RHOQ: variants seen among roughly 807,000 people sequenced by gnomAD.
RHOQ encodes the protein rho-related GTP-binding protein RhoQ.
A neutral mutation model predicts 25.8 loss-of-function variants in RHOQ; 7 were observed. That is an observed-to-expected ratio of 0.27 (90% CI 0.15 to 0.51). The LOEUF (loss-of-function observed/expected upper bound fraction) is 0.51, where lower values mean the gene tolerates loss of function less well. Among genes scored for constraint, RHOQ ranks in the 20% least tolerant of loss-of-function variants. RHOQ has a pLI of 0.97. For synonymous variants in RHOQ, 97 were observed against 98.6 expected, an observed-to-expected ratio of 0.98 and a Z score of 0.10; for missense variants, 165 against 260.6, an observed-to-expected ratio of 0.63 and a Z score of 2.53.
chr2:46,547,271 T>C lies in RHOQ; in HGVS notation c.201+3459T>C, dbSNP rs546933117. 3.3e-5 allele frequency among the ~76,000 whole-genome samples: 5 copies of C among 152,326 alleles called. No homozygotes were observed. The South Asian group carries it at 1.0e-3, about 32-fold the overall frequency. ...CTCAGTTTGGAACCTCTAGTCCACT[T>C]GCTCACTCATGGTCCCTGCCTTAAC... On this transcript the variant is annotated intron_variant, in intron 2 of 4. Transcript: ENST00000238738.
In RHOQ at chr2:46,556,898, A is replaced by G. The variant is rs1029233233; in HGVS notation, c.201+13086A>G. ...GGGGCTTTCAAGGACCATCAGGTAC[A>G]TGGGTCTGATTTATGTTAACTCGTA... On this transcript the variant is annotated intron_variant, in intron 2 of 4. Transcript: ENST00000238738. The surrounding 1 kb of genome is among the most constrained non-coding windows in gnomAD (Gnocchi z 4.9). 6.6e-6 allele frequency among the ~76,000 whole-genome samples: 1 copy of G among 152,188 alleles called. No homozygotes were observed. The highest frequency in any genetic ancestry group is 1.5e-5 in the Non-Finnish European group (1 of 68,036).
rs1668747199 is a variant in RHOQ, at chr2:46,566,765, A to T, written c.202-9322A>T. Reference sequence around the variant, plus strand: ...TATGTCAGGGCTTTTCTGCCTTGGGACGTTTGCATACATTGTCTTGTTGTC... The same window carrying T: ...TATGTCAGGGCTTTTCTGCCTTGGGTCGTTTGCATACATTGTCTTGTTGTC... On this transcript the variant is annotated intron_variant, in intron 2 of 4. Transcript: ENST00000238738. The surrounding 1 kb of genome is among the most constrained non-coding windows in gnomAD (Gnocchi z 4.2). Among the ~76,000 whole-genome samples the T allele has an allele frequency of 6.6e-6, 1 of 151,876 alleles. No homozygotes were observed. The highest frequency in any genetic ancestry group is 2.1e-4 in the South Asian group (1 of 4,818).
chr2:46,579,912 C>T (rs112387842), intron 4 of RHOQ: 7,480 of 152,104 alleles, frequency 0.049, 273 homozygotes, highest in African/African-American at 0.11. Flanking sequence ...ATCTAGCCTT[C>T]GGCACAACAT....
intron 4 of RHOQ, among the ~76,000 whole-genome samples, chr2:46,579,671 G>A (rs1310377700): frequency 6.6e-6 from 1 of 152,034 alleles, no homozygotes; most frequent in Admixed American, 6.6e-5. Context: ...GACCAACATG[G>A]AGAAACCCCA....
chr2:46,559,117 C>G (rs1372249405), intron 2 of RHOQ, among the ~76,000 whole-genome samples: 1 of 152,028 alleles, frequency 6.6e-6, no homozygotes, highest in East Asian at 1.9e-4. Flanking sequence ...CCACTTCTGG[C>G]TAGTTTTTTG....
intron 2 of RHOQ, among the ~76,000 whole-genome samples, chr2:46,570,166 C>A (rs115964722): frequency 6.6e-6 from 1 of 152,146 alleles, no homozygotes; most frequent in African/African-American, 2.4e-5. Flanking sequence ...TCAGGCCAGG[C>A]GTGGTGGCTC....
intron 1 of RHOQ, chr2:46,543,472 C>T (rs899461528): frequency 3.3e-6 from 2 of 599,308 alleles, no homozygotes; most frequent in South Asian, 2.0e-5. Context: ...CATCCCCTTT[C>T]CTACTGCCCC....
At chr2:46,544,243 T>C (rs1667972137) in intron 2 of RHOQ, among the ~76,000 whole-genome samples, 2 of 152,174 alleles carry the variant, frequency 1.3e-5, no homozygotes, top group Admixed American at 6.5e-5. Context: ...TCATCTAATA[T>C]GATGGGAAGG....
At chr2:46,551,484 C>A (rs1668240257) in intron 2 of RHOQ, among the ~76,000 whole-genome samples, 1 of 151,694 alleles carries the variant, frequency 6.6e-6, no homozygotes. Context: ...AGGGGGTGAC[C>A]CCAAAGCGTC....
chr2:46,553,510 T>G (rs1668307422), intron 2 of RHOQ, among the ~76,000 whole-genome samples: 1 of 152,164 alleles, frequency 6.6e-6, no homozygotes, highest in Admixed American at 6.5e-5. Flanking sequence ...GAGTTATTTT[T>G]AAATGTACAG....
rs1669128743 is a variant in RHOQ, at chr2:46,576,381, T to G, written c.366+130T>G. 1.0e-6 allele frequency: 1 copy of G among 956,362 alleles called. No individual in the cohort carries two copies. Among genetic ancestry groups the G allele is most frequent in the South Asian group, 1.8e-5 (1 of 57,116 alleles). 59.2% of individuals were successfully genotyped at this position (956,362 alleles called of 1,614,324 possible). On this transcript the variant is annotated intron_variant, in intron 3 of 4. Transcript: ENST00000238738. This position sits in a 1 kb window ranked among gnomAD's most constrained non-coding sequence, Gnocchi z 5.1. Reference sequence around the variant, plus strand: ...TTAATCTCAGCTGCAAGTTAATGAGTTCTATCATATTTTTGGAAAAAATTG... The same window carrying G: ...TTAATCTCAGCTGCAAGTTAATGAGGTCTATCATATTTTTGGAAAAAATTG...
intron 2 of RHOQ, among the ~76,000 whole-genome samples, chr2:46,560,040 G>T (rs1306015252): frequency 2.0e-5 from 3 of 152,162 alleles, no homozygotes; most frequent in Non-Finnish European, 2.9e-5. Flanking sequence ...TCATGATAGG[G>T]AAGGGGAAAA....
intron 2 of RHOQ, among the ~76,000 whole-genome samples, chr2:46,559,633 C>T (rs1001493756): frequency 1.6e-4 from 24 of 152,044 alleles, no homozygotes; most frequent in Admixed American, 5.9e-4. Flanking sequence ...CAGCATCCCT[C>T]CTCCATTGAT....
In RHOQ at chr2:46,566,656, A is replaced by G. The variant is rs1668741758; in HGVS notation, c.202-9431A>G. Among the ~76,000 whole-genome samples, 1 of 151,976 alleles carries G rather than the reference A, an allele frequency of 6.6e-6. No homozygotes were observed. Among genetic ancestry groups the G allele is most frequent in the South Asian group, 2.1e-4 (1 of 4,824 alleles). ...GGGGCTCACCTTTTAATGACTTTCC[A>G]TTGCAGGTGGGCCCTGCAGAGGGGT... is the stretch of plus-strand genomic sequence containing the variant. On this transcript the variant is annotated intron_variant, in intron 2 of 4. Coordinates refer to ENST00000238738, the MANE Select transcript of RHOQ (RefSeq NM_012249.4). The surrounding 1 kb of genome is among the most constrained non-coding windows in gnomAD (Gnocchi z 4.2).
rs144988543 is a variant in RHOQ, at chr2:46,571,117, A to C, written c.202-4970A>C. Reference sequence around the variant, plus strand: ...AGTTCTCTCCATTCTGTAAGGACCAACTCAAGTGCCTCTTCCAAGAGGTCT... The same window carrying C: ...AGTTCTCTCCATTCTGTAAGGACCACCTCAAGTGCCTCTTCCAAGAGGTCT... On this transcript the variant is annotated intron_variant, in intron 2 of 4. Coordinates refer to ENST00000238738, the MANE Select transcript of RHOQ (RefSeq NM_012249.4). Among the ~76,000 whole-genome samples, 29 of 152,300 alleles carry C rather than the reference A, an allele frequency of 1.9e-4. No homozygotes were observed. The East Asian group carries it at 5.2e-3, about 27-fold the overall frequency.
In RHOQ at chr2:46,576,543, T is replaced by C. The variant is rs762863999; in HGVS notation, c.367-18T>C. ...AGATTTGTAATATTATGGGACATTA[T>C]TGACCTTTCTTAATTAGATTGATCT... On this transcript the variant is annotated intron_variant, in intron 3 of 4. Coordinates refer to ENST00000238738, the MANE Select transcript of RHOQ (RefSeq NM_012249.4). This position sits in a 1 kb window ranked among gnomAD's most constrained non-coding sequence, Gnocchi z 5.1. The C allele has an allele frequency of 6.8e-7, 1 of 1,465,436 alleles. No individual in the cohort carries two copies. The highest frequency in any genetic ancestry group is 1.2e-5 in the South Asian group (1 of 84,376). 90.8% of individuals were successfully genotyped at this position (1,465,436 alleles called of 1,614,324 possible). A position where few individuals can be genotyped will look rare whatever the true frequency, so the allele number is the denominator to read the frequency against.
At chr2:46,546,724 T>C (rs772037300) in intron 2 of RHOQ, among the ~76,000 whole-genome samples, 2 of 151,738 alleles carry the variant, frequency 1.3e-5, no homozygotes, top group South Asian at 2.1e-4. Flanking sequence ...CTCTTTAACA[T>C]ATTTAAAAGC....
chr2:46,578,427 G>C (rs1051828421), intron 4 of RHOQ, among the ~76,000 whole-genome samples: 1 of 151,638 alleles, frequency 6.6e-6, no homozygotes, highest in Non-Finnish European at 1.5e-5. Context: ...GCACAACATG[G>C]TAACTACAGT....
intron 4 of RHOQ, 121 bp from the exon 5 acceptor site, chr2:46,580,807 T>C: frequency 1.5e-6 from 1 of 670,272 alleles, no homozygotes; most frequent in Non-Finnish European, 2.3e-6. Flanking sequence ...TGAACATGGA[T>C]GATGAATGTA....
Sources: gnomAD v4.1 joint callset for allele counts (sites outside exome capture counted in the v4.1 genomes callset) on GRCh38, gnomAD v4.1.1 for gene constraint, Gnocchi (gnomAD v3.1) non-coding constraint, MANE v1.5 for transcripts, NCBI Gene and HGNC (gene_info 2026-07-23, HGNC 2026-07-21) for gene names.